PLEC: variants seen among roughly 807,000 people sequenced by gnomAD.
The protein encoded by PLEC is plectin.
PLEC carries 216 observed loss-of-function variants against 392.8 expected under a neutral mutation model. The observed-to-expected ratio is 0.55, with a 90% CI of 0.49 to 0.62. The LOEUF is 0.62. PLEC is among the 20% of genes least tolerant of loss of function. PLEC has a pLI of 0.00. For missense variants in PLEC, 6,863 were observed against 6,563.4 expected (o/e 1.05, Z -1.58); for synonymous variants, 3,621 against 2,980.6 (o/e 1.21, Z -7.00).
exon 1 of PLEC, chr8:143,950,413 C>G: frequency 6.2e-7 from 1 of 1,608,100 alleles, no homozygotes. Flanking sequence ...GGCGCACGCG[C>G]TGCAGAGAGG....
rs569055437 is a variant in PLEC at position 143,934,594 on chromosome 8, C to T, written c.1041+41G>A. 4.8e-4 allele frequency: 772 copies of T among 1,600,302 alleles called. 17 individuals carry two copies. The South Asian group carries it at 7.8e-3, about 16-fold the overall frequency. Reference sequence around the variant, plus strand: ...CCGGAAGAACCTTTCAGGCCTGGGGCGTTCCAGGACACCACCCACCCCTCC... The same window carrying T: ...CCGGAAGAACCTTTCAGGCCTGGGGTGTTCCAGGACACCACCCACCCCTCC... On this transcript the variant is annotated intron_variant, in intron 10 of 31. Coordinates refer to ENST00000345136, the MANE Select transcript of PLEC (RefSeq NM_201384.3).
At chr8:143,967,431 A>AC (rs1418436258) in intron 1 of PLEC, among the ~76,000 whole-genome samples, 5 of 151,044 alleles carry the variant, frequency 3.3e-5, no homozygotes, top group Admixed American at 3.3e-4. Context: ...GTGGTGTGAG[A>AC]CCCATCCATG....
chr8:143,917,595 T>C lies in PLEC; in HGVS notation c.12226A>G (p.Met4076Val). 1 of 1,613,708 alleles carries C rather than the reference T, an allele frequency of 6.2e-7. No homozygotes were observed. Among genetic ancestry groups the C allele is most frequent in the Non-Finnish European group, 8.5e-7 (1 of 1,179,976 alleles). The part of the protein sequence containing the change: ...AYKRGLFDEE[M>V]NEILTDPSDD... ...GAGGGGTCGGTCAGGATCTCGTTCA[T>C]CTCCTCATCGAAGAGGCCGCGCTTG... is the stretch of plus-strand genomic sequence containing the variant. Residue 4076 changes from methionine to valine, a missense_variant, in exon 32 of 32, where the codon ATG (methionine) becomes GTG (valine). Coordinates refer to ENST00000345136, the MANE Select transcript of PLEC (RefSeq NM_201384.3).
At chr8:143,926,342 C>T (rs1471903169) in intron 30 of PLEC, among the ~76,000 whole-genome samples, 7 of 152,148 alleles carry the variant, frequency 4.6e-5, no homozygotes, top group East Asian at 1.9e-4. Flanking sequence ...AGTGCAGACC[C>T]GAGCCAACTC....
At chr8:143,953,267 C>A (rs1195519548), upstream of PLEC, among the ~76,000 whole-genome samples, 1 of 147,510 alleles carries the variant, frequency 6.8e-6, no homozygotes, top group Admixed American at 6.7e-5. Flanking sequence ...CCCACCCCAC[C>A]CCAAGACAAA....
chr8:143,952,739 G>A (rs1832317232), upstream of PLEC, among the ~76,000 whole-genome samples: 1 of 152,128 alleles, frequency 6.6e-6, no homozygotes, highest in East Asian at 1.9e-4. Context: ...CTCCTACACA[G>A]GCCTGCAGGG....
Position 143,932,797 on chromosome 8 carries a change from T to C in PLEC, c.1733A>G (p.Asp578Gly), listed in dbSNP as rs886044773. 1 of 1,612,062 alleles carries C rather than the reference T, an allele frequency of 6.2e-7. No homozygotes were observed. The highest frequency in any genetic ancestry group is 8.5e-7 in the Non-Finnish European group (1 of 1,179,786). ...CCATCGCTCAGCGCCACCCACCTCG[T>C]CACTCCGTGCCCGCTCGATCTTGGC... is the stretch of plus-strand genomic sequence containing the variant. Reference protein sequence around the residue: ...FRAKIERARSDEGQLSPATRG... With the variant: ...FRAKIERARSGEGQLSPATRG... Residue 578 changes from aspartate to glycine, a missense_variant, in exon 14 of 32, where the codon GAC (aspartate) becomes GGC (glycine). Asp to Gly is a moderately conservative substitution (Grantham distance 94, BLOSUM62 -1). Coordinates refer to ENST00000345136, the MANE Select transcript of PLEC (RefSeq NM_201384.3).
upstream of PLEC, among the ~76,000 whole-genome samples, chr8:143,940,451 G>A (rs1188641742): frequency 6.6e-6 from 1 of 152,216 alleles, no homozygotes; most frequent in Non-Finnish European, 1.5e-5. Flanking sequence ...CCCCAGGGGT[G>A]GGGGGTGCTG....
At chr8:143,951,318 G>A (rs1832124848), upstream of PLEC, among the ~76,000 whole-genome samples, 1 of 152,130 alleles carries the variant, frequency 6.6e-6, no homozygotes. Context: ...CTGGAGGGAT[G>A]AGGGATGCGA....
At chr8:143,964,840 C>T (rs2132898239) in intron 1 of PLEC, among the ~76,000 whole-genome samples, 1 of 152,282 alleles carries the variant, frequency 6.6e-6, no homozygotes, top group South Asian at 2.1e-4. Context: ...GAAAGAGATG[C>T]ACTTTCAAAA....
rs376133886 is a variant in PLEC, at chr8:143,919,948, G to A, written c.9873C>T (p.Ile3291=). 38 of 1,613,286 alleles carry A rather than the reference G, an allele frequency of 2.4e-5. No individual in the cohort carries two copies. The East Asian group carries it at 2.9e-4, about 12-fold the overall frequency. Reference sequence around the variant, plus strand: ...GCCGCAGGGTCTCCACCTCCTCCACGATGGTAATGAGAATCTTGATGACCT... The same window carrying A: ...GCCGCAGGGTCTCCACCTCCTCCACAATGGTAATGAGAATCTTGATGACCT... ...VEKVIKILIT[I]VEEVETLRQE... The change falls in exon 32 of 32, where the codon ATC becomes ATT. Residue 3291 remains isoleucine, a synonymous_variant. Transcript: ENST00000345136.
chr8:143,945,009 G>GGCGCGGGAGGT (rs532154530), intron 1 of PLEC, among the ~76,000 whole-genome samples: 329 of 144,448 alleles, frequency 2.3e-3, no homozygotes, highest in Non-Finnish European at 3.9e-3. Context: ...AATAGAGCAG[G>GGCGCGGGAGGT]GCGCGGGAGG....
intron 18 of PLEC, 29 bp from the exon 19 acceptor site, chr8:143,931,688 G>A (rs781979487): frequency 2.5e-6 from 4 of 1,587,552 alleles, no homozygotes; most frequent in Non-Finnish European, 1.7e-6. Flanking sequence ...GTCACGCCAG[G>A]CTACCTGGGA....
chr8:143,959,379 G>C (rs1299348888), intron 1 of PLEC, among the ~76,000 whole-genome samples: 1 of 152,254 alleles, frequency 6.6e-6, no homozygotes, highest in Non-Finnish European at 1.5e-5. Context: ...AAACGTGCTG[G>C]AATAAGATAA....
upstream of PLEC, chr8:143,976,710 C>A (rs1833678617): frequency 1.3e-5 from 2 of 151,980 alleles, no homozygotes; most frequent in Admixed American, 1.3e-4. Flanking sequence ...TGCCTGGTGG[C>A]TCCGCTCACT....
upstream of PLEC, among the ~76,000 whole-genome samples, chr8:143,943,025 A>C (rs1830792488): frequency 6.6e-6 from 1 of 152,202 alleles, no homozygotes; most frequent in Non-Finnish European, 1.5e-5. Flanking sequence ...TGGATGGGGA[A>C]GAAGCCCTCA....
chr8:143,953,948 T>A (rs1832446404), upstream of PLEC: 2 of 1,385,252 alleles, frequency 1.4e-6, no homozygotes, highest in Non-Finnish European at 9.3e-7. Flanking sequence ...CCCGGGCGCA[T>A]GCTCCCGGCC....
At position 143,924,421 on chromosome 8, in the gene PLEC, C is replaced by T. The variant is rs782631413; in HGVS notation, c.5508G>A (p.Ala1836=). ...CCTCGCCGATGGCGGCCAGCTTCTC[C>T]GCAAGCACCCGCTCCGCCTCGGCCC... The part of the protein sequence containing the change: ...RQRAEAERVL[A]EKLAAIGEAT... The change falls in exon 31 of 32, where the codon GCG becomes GCA. Residue 1836 remains alanine, a synonymous_variant. Coordinates refer to ENST00000345136, the MANE Select transcript of PLEC (RefSeq NM_201384.3). The T allele has an allele frequency of 7.4e-5, 118 of 1,590,058 alleles. No individual in the cohort carries two copies. The highest frequency in any genetic ancestry group is 5.7e-4 in the East Asian group (25 of 44,218).
upstream of PLEC, among the ~76,000 whole-genome samples, chr8:143,957,949 C>T (rs1395500042): frequency 6.6e-6 from 1 of 152,200 alleles, no homozygotes; most frequent in Non-Finnish European, 1.5e-5. Flanking sequence ...CAGATACCTC[C>T]ACCTGGGGCC....
Sources: allele counts gnomAD v4.1 joint callset (sites outside exome capture counted in the v4.1 genomes callset), GRCh38; gene constraint gnomAD v4.1.1; transcripts MANE v1.5; gene names NCBI Gene and HGNC (gene_info 2026-07-23, HGNC 2026-07-21).